DENND4C: variants seen among roughly 807,000 people sequenced by gnomAD.
DENND4C encodes DENN domain-containing protein 4C.
DENND4C carries 108 observed loss-of-function variants against 203.0 expected under a neutral mutation model. The ratio of observed to expected loss-of-function variants is 0.53; its 90% confidence interval spans 0.46 to 0.62. The LOEUF is 0.62. DENND4C is among the 20% of genes least tolerant of loss of function. DENND4C has a pLI of 0.00. For synonymous variants in DENND4C, 871 were observed against 792.4 expected (o/e 1.10, Z -1.67); for missense variants, 2,481 against 2,301.2 (o/e 1.08, Z -1.60).
chr9:19,357,608 G>C (rs1361198521), intron 27 of DENND4C: 1 of 212,440 alleles, frequency 4.7e-6, no homozygotes, highest in Non-Finnish European at 9.4e-6. Context: ...TTAAATACTT[G>C]TCAGTGTCTT....
chr9:19,267,521 A>T (rs967776508), intron 1 of DENND4C, among the ~76,000 whole-genome samples: 1 of 151,938 alleles, frequency 6.6e-6, no homozygotes, highest in African/African-American at 2.4e-5. Context: ...TTTCTTTTTT[A>T]AAAAATTTTA....
At chr9:19,288,747 T>C in intron 4 of DENND4C, 82 bp downstream of exon 4, 2 of 655,564 alleles carry the variant, frequency 3.1e-6, no homozygotes, top group Non-Finnish European at 4.3e-6. Context: ...TAAAGTATGC[T>C]CCCTTACATA....
At chr9:19,238,747 G>A (rs1478841136) in intron 1 of DENND4C, among the ~76,000 whole-genome samples, 6 of 142,232 alleles carry the variant, frequency 4.2e-5, no homozygotes, top group East Asian at 4.2e-4. Context: ...CCCGTACCCC[G>A]GGTTCAAGTG....
At chr9:19,329,143 C>T (rs1196372991) in intron 16 of DENND4C, among the ~76,000 whole-genome samples, 1 of 152,142 alleles carries the variant, frequency 6.6e-6, no homozygotes, top group Non-Finnish European at 1.5e-5. Context: ...CAGGTTTGTG[C>T]AACTACCACC....
intron 1 of DENND4C, among the ~76,000 whole-genome samples, chr9:19,274,511 T>G (rs1832457332): frequency 6.6e-6 from 1 of 152,174 alleles, no homozygotes; most frequent in Non-Finnish European, 1.5e-5. Context: ...ATCAGGCTGG[T>G]CTCAAACTCC....
rs1042157068 is a variant in DENND4C, at chr9:19,352,632, A to G, written c.4748A>G (p.Asn1583Ser). Reference protein sequence around the residue: ...FCKSNFLPLLNIEFKDLRGSA... With the variant: ...FCKSNFLPLLSIEFKDLRGSA... ...AAAAGCAACTTCTTGCCTCTTCTCA[A>G]TATAGAATTCAAAGATTTGAGAGGT... The change falls in exon 26 of 33, where the codon AAT (asparagine) becomes AGT (serine). Residue 1583 changes from asparagine to serine, a missense_variant. By Grantham distance (46) the Asn-to-Ser change is conservative (BLOSUM62 1). Coordinates refer to ENST00000434457, the MANE Select transcript of DENND4C (RefSeq NM_001330640.2). 3 of 1,610,490 alleles carry G rather than the reference A, an allele frequency of 1.9e-6. No individual in the cohort carries two copies. Among genetic ancestry groups the G allele is most frequent in the Admixed American group, 1.7e-5 (1 of 59,564 alleles).
chr9:19,340,401 A>G (rs747873618), intron 20 of DENND4C, among the ~76,000 whole-genome samples: 3 of 152,116 alleles, frequency 2.0e-5, no homozygotes, highest in Admixed American at 6.5e-5. Flanking sequence ...TATGTTATTC[A>G]TGTGAAATAC....
rs1436452186 is a variant in DENND4C at position 19,328,155 on chromosome 9, C to G, written c.2246C>G (p.Thr749Ser). 6.2e-7 allele frequency: 1 copy of G among 1,605,054 alleles called. No individual in the cohort carries two copies. The highest frequency in any genetic ancestry group is 2.2e-5 in the East Asian group (1 of 44,716). ...AGTCCACCTCTCATGGCTAAGAGAA[C>G]TAAACAGGTCAGATATTCTTTATCT... ...TKSPPLMAKRTKQEIKTAHKL... is the reference protein window; with the variant it reads ...TKSPPLMAKRSKQEIKTAHKL... The change falls in exon 16 of 33, where the codon ACT becomes AGT. Residue 749 changes from threonine (T) to serine (S), a missense_variant. Thr to Ser is a moderately conservative substitution (Grantham distance 58, BLOSUM62 1). This residue lies in a region of DENND4C where 2,289 missense variants were observed against 2,113.3 expected (regional missense o/e 1.08). Coordinates refer to ENST00000434457, the MANE Select transcript of DENND4C (RefSeq NM_001330640.2).
At chr9:19,307,666 A>C (rs1403958031) in intron 10 of DENND4C, among the ~76,000 whole-genome samples, 2 of 150,380 alleles carry the variant, frequency 1.3e-5, no homozygotes, top group Non-Finnish European at 3.0e-5. Flanking sequence ...ACTACTCGGG[A>C]GTCTGAGGCA....
chr9:19,373,934 T>C lies in DENND4C; in HGVS notation c.*1761T>C, dbSNP rs1829250229. Among the ~76,000 whole-genome samples the C allele has an allele frequency of 6.6e-6, 1 of 152,192 alleles. No homozygotes were observed. Among genetic ancestry groups the C allele is most frequent in the Admixed American group, 6.5e-5 (1 of 15,280 alleles). Reference sequence around the variant, plus strand: ...TAGTGTGAATTTATTGTGAAAATGCTAAATGAAACAATTTGTCAGAAATTA... The same window carrying C: ...TAGTGTGAATTTATTGTGAAAATGCCAAATGAAACAATTTGTCAGAAATTA... On this transcript the variant is annotated 3_prime_UTR_variant, in exon 33 of 33. Coordinates refer to ENST00000434457, the MANE Select transcript of DENND4C (RefSeq NM_001330640.2).
At chr9:19,295,248 G>A (rs958261903) in intron 5 of DENND4C, among the ~76,000 whole-genome samples, 5 of 151,764 alleles carry the variant, frequency 3.3e-5, no homozygotes, top group Non-Finnish European at 1.5e-5. Flanking sequence ...GGCGCACGCC[G>A]TAATCCCAGC....
chr9:19,271,640 C>T (rs1337918613), intron 1 of DENND4C, among the ~76,000 whole-genome samples: 6 of 151,692 alleles, frequency 4.0e-5, no homozygotes, highest in East Asian at 1.9e-4. Context: ...CTGAGGCGGG[C>T]GGATCACCTG....
At chr9:19,280,869 TA>T (rs1309166976) in intron 2 of DENND4C, among the ~76,000 whole-genome samples, 1 of 152,006 alleles carries the variant, frequency 6.6e-6, no homozygotes, top group Non-Finnish European at 1.5e-5. Context: ...GCCTCCCGAG[TA>T]GCTGGGACTA....
intron 1 of DENND4C, among the ~76,000 whole-genome samples, chr9:19,233,882 C>T (rs1821212504): frequency 6.6e-6 from 1 of 152,008 alleles, no homozygotes. Flanking sequence ...CACACCCAGC[C>T]TTTGAAAACT....
intron 18 of DENND4C, among the ~76,000 whole-genome samples, chr9:19,335,743 TCATC>T (rs957194896): frequency 1.3e-5 from 2 of 152,236 alleles, no homozygotes; most frequent in Non-Finnish European, 2.9e-5. Flanking sequence ...CACATTTTCT[TCATC>T]CATTCATACA....
chr9:19,336,204 TATG>T (rs1820435972), intron 18 of DENND4C, 63 bp from the exon 19 acceptor site: 1 of 1,447,662 alleles, frequency 6.9e-7, no homozygotes, highest in African/African-American at 1.4e-5. Context: ...CACACACATA[TATG>T]TATGTATTTT....
intron 12 of DENND4C, among the ~76,000 whole-genome samples, chr9:19,319,313 C>T (rs1353803693): frequency 4.8e-5 from 4 of 83,812 alleles, no homozygotes; most frequent in Non-Finnish European, 1.0e-4. Flanking sequence ...CACATATATA[C>T]ACACATATAT....
rs1588937300 is a variant in DENND4C at position 19,331,971 on chromosome 9, T to C, written c.2254-7T>C. On this transcript the variant is annotated splice_region_variant and splice_polypyrimidine_tract_variant and intron_variant, in intron 16 of 32. Transcript: ENST00000434457. ...GTAAATATCATAATATTTTATTCTCTTTCTAGGAAATAAAAACAGCTCATA... is the reference window on the plus strand; with the variant it reads ...GTAAATATCATAATATTTTATTCTCCTTCTAGGAAATAAAAACAGCTCATA... 3 of 1,609,402 alleles carry C rather than the reference T, an allele frequency of 1.9e-6. No homozygotes were observed. In the East Asian group the frequency reaches 6.7e-5, roughly 36 times the overall value.
intron 1 of DENND4C, among the ~76,000 whole-genome samples, chr9:19,234,530 G>GTTTTT (rs34232597): frequency 6.7e-5 from 7 of 104,430 alleles, no homozygotes; most frequent in Admixed American, 1.2e-4. Flanking sequence ...GCACCTGGCT[G>GTTTTT]TTTTTTTTTT....
Sources: gnomAD v4.1 joint callset for allele counts (sites outside exome capture counted in the v4.1 genomes callset) on GRCh38, gnomAD v4.1.1 for gene constraint, gnomAD v4.1.1 regional missense constraint, MANE v1.5 for transcripts, NCBI Gene and HGNC (gene_info 2026-07-23, HGNC 2026-07-21) for gene names.